Variants in TAS2R1 observed in about 807,000 individuals in gnomAD.
TAS2R1 encodes taste 2 receptor member 1, also known as taste receptor type 2 member 1.
For synonymous variants in TAS2R1, 141 were observed against 134.2 expected (o/e 1.05, Z -0.35); for missense variants, 370 against 353.4 (o/e 1.05, Z -0.38).
At chr5:9,836,640 C>T in the TAS2R1 span, among the ~76,000 whole-genome samples, 7 of 152,290 alleles carry the variant, frequency 4.6e-5, 1 homozygote, top group African/African-American at 1.7e-4. Flanking sequence ...TGCCTATCTG[C>T]TGCATATTAA....
chr5:9,669,647 G>A (rs529858663), intron 1 of TAS2R1, among the ~76,000 whole-genome samples: 2 of 152,116 alleles, frequency 1.3e-5, no homozygotes, highest in Non-Finnish European at 2.9e-5. Flanking sequence ...TAAACAACCT[G>A]CTTCTGAATG....
intron 1 of TAS2R1, among the ~76,000 whole-genome samples, chr5:9,687,734 G>A (rs1344715510): frequency 1.3e-5 from 2 of 152,144 alleles, no homozygotes; most frequent in Admixed American, 6.5e-5. Context: ...GGCCCAAGAG[G>A]CTTTGTTCAA....
chr5:9,893,440 G>A, the TAS2R1 span, among the ~76,000 whole-genome samples: 9 of 151,670 alleles, frequency 5.9e-5, no homozygotes, highest in Non-Finnish European at 8.8e-5. Flanking sequence ...CGACTTCTTC[G>A]CTCAGATGGT....
chr5:9,753,532 G>A, the TAS2R1 span, among the ~76,000 whole-genome samples: 1 of 152,082 alleles, frequency 6.6e-6, no homozygotes, highest in Non-Finnish European at 1.5e-5. Context: ...CTTTTGCTGT[G>A]CAGAAGCTCT....
At chr5:9,865,245 A>G in the TAS2R1 span, among the ~76,000 whole-genome samples, 4 of 152,172 alleles carry the variant, frequency 2.6e-5, no homozygotes, top group Non-Finnish European at 4.4e-5. Context: ...AGAGAAGGAC[A>G]CAAATTCTAG....
chr5:9,875,149 A>G, the TAS2R1 span, among the ~76,000 whole-genome samples: 1 of 152,184 alleles, frequency 6.6e-6, no homozygotes, highest in Non-Finnish European at 1.5e-5. Flanking sequence ...GCAGCTAGGC[A>G]TCATTTCCCT....
intron 2 of TAS2R1, chr5:9,658,599 C>T (rs1477189994): frequency 2.6e-5 from 4 of 152,092 alleles, no homozygotes; most frequent in Middle Eastern, 3.2e-3. Context: ...CAATAAAGCA[C>T]CCCAGTTATG....
chr5:9,686,605 G>A (rs1741128624), intron 1 of TAS2R1, among the ~76,000 whole-genome samples: 1 of 152,158 alleles, frequency 6.6e-6, no homozygotes. Flanking sequence ...AAGATGGGGG[G>A]AAGGGAGGAG....
chr5:9,654,672 A>G (rs1740373727), intron 2 of TAS2R1, among the ~76,000 whole-genome samples: 1 of 152,244 alleles, frequency 6.6e-6, no homozygotes. Flanking sequence ...TATTATATGA[A>G]CAAGTGGTTA....
chr5:9,865,397 T>C, the TAS2R1 span, among the ~76,000 whole-genome samples: 3 of 152,228 alleles, frequency 2.0e-5, no homozygotes, highest in African/African-American at 7.2e-5. Context: ...TTTGCTCTTC[T>C]TCTCATGTTT....
chr5:9,784,758 T>C, the TAS2R1 span, among the ~76,000 whole-genome samples: 1 of 152,112 alleles, frequency 6.6e-6, no homozygotes, highest in Admixed American at 6.5e-5. Flanking sequence ...AATCCTTGGG[T>C]TTCCCTGGCT....
chr5:9,810,563 G>C, the TAS2R1 span, among the ~76,000 whole-genome samples: 7 of 152,266 alleles, frequency 4.6e-5, no homozygotes, highest in East Asian at 1.4e-3. Flanking sequence ...GTAGGTTTCA[G>C]GGGGGCATGG....
Position 9,629,807 on chromosome 5 carries a change from T to C in TAS2R1, c.226A>G (p.Ile76Val), listed in dbSNP as rs763291783. 2 of 1,613,878 alleles carry C rather than the reference T, an allele frequency of 1.2e-6. No homozygotes were observed. The highest frequency in any genetic ancestry group is 1.7e-6 in the Non-Finnish European group (2 of 1,179,888). Residue 76 changes from isoleucine to valine, a missense_variant, in exon 1 of 1, where the codon ATC (isoleucine) becomes GTC (valine). Ile to Val is a conservative substitution (Grantham distance 29). Transcript: ENST00000382492. ...ATTGCACAATTCGCAGAACACATGA[T>C]GAATTCTATGAAGAAGATAACAATC... Reference protein sequence around the residue: ...NVIVIFFIEFIMCSANCAILL... With the variant: ...NVIVIFFIEFVMCSANCAILL...
At chr5:9,821,961 C>T in the TAS2R1 span, among the ~76,000 whole-genome samples, 13 of 152,254 alleles carry the variant, frequency 8.5e-5, no homozygotes, top group Admixed American at 4.6e-4. Context: ...GCAAATGTCA[C>T]CTAAGGCTGG....
At chr5:9,698,259 A>G (rs1355524148) in intron 1 of TAS2R1, among the ~76,000 whole-genome samples, 1 of 152,198 alleles carries the variant, frequency 6.6e-6, no homozygotes, top group Admixed American at 6.5e-5. Flanking sequence ...CTAAACCCCA[A>G]TGTATTTTTT....
intron 1 of TAS2R1, among the ~76,000 whole-genome samples, chr5:9,672,555 A>T (rs1740789923): frequency 6.6e-6 from 1 of 152,196 alleles, no homozygotes; most frequent in Admixed American, 6.5e-5. Context: ...TAATAATTAG[A>T]CAAATGCAAA....
chr5:9,655,012 A>T (rs1740380957), intron 2 of TAS2R1, among the ~76,000 whole-genome samples: 1 of 152,194 alleles, frequency 6.6e-6, no homozygotes, highest in Non-Finnish European at 1.5e-5. Context: ...TGGGTGAAAC[A>T]AAAAAACACT....
chr5:9,725,333 G>A, the TAS2R1 span, among the ~76,000 whole-genome samples: 1 of 152,250 alleles, frequency 6.6e-6, no homozygotes, highest in Non-Finnish European at 1.5e-5. Flanking sequence ...GGGAACCGGG[G>A]CTGCGCGCGG....
chr5:9,817,688 G>C, the TAS2R1 span, among the ~76,000 whole-genome samples: 1 of 152,148 alleles, frequency 6.6e-6, no homozygotes, highest in African/African-American at 2.4e-5. Flanking sequence ...AGAATTACCT[G>C]AGCTCGTATG....
Sources: allele counts gnomAD v4.1 joint callset (sites outside exome capture counted in the v4.1 genomes callset), GRCh38; gene constraint gnomAD v4.1.1; transcripts MANE v1.5; gene names NCBI Gene and HGNC (gene_info 2026-07-23, HGNC 2026-07-21).